The following USP19 variants were observed in gnomAD, a reference collection of about 807,000 sequenced individuals.
USP19 encodes the protein ubiquitin carboxyl-terminal hydrolase 19.
Under a neutral mutation model 144.8 loss-of-function variants are expected in USP19, and 40 were observed. The ratio of observed to expected loss-of-function variants is 0.28; its 90% CI spans 0.21 to 0.36. The LOEUF (loss-of-function observed/expected upper bound fraction) is 0.36. USP19 is among the 10% of genes least tolerant of loss of function. The probability of loss-of-function intolerance (pLI) is 1.00; values close to 1 mark genes in which losing one functional copy is unlikely to be tolerated. For missense variants in USP19, 1,518 were observed against 1,822.5 expected, an observed-to-expected ratio of 0.83 and a Z score of 3.04; for synonymous variants, 701 against 709.3, an observed-to-expected ratio of 0.99 and a Z score of 0.19.
Position 49,111,810 on chromosome 3 carries a change from G to A in USP19, c.2907C>T (p.Tyr969=). ...LAQLLEGYAR[Y]SVSVFQPPFQ... The stretch of plus-strand genomic sequence containing the variant: ...AGGGTGGCTGGAATACACTCACAGA[G>A]TACCTGGCAACAGAGAACAACGCAA... Residue 969 remains tyrosine, a synonymous_variant, in exon 21 of 27, where the codon TAC becomes TAT. Coordinates refer to ENST00000417901, the MANE Select transcript of USP19 (RefSeq NM_001199161.2). The surrounding 1 kb of genome is among the most constrained non-coding windows in gnomAD (Gnocchi z 5.9). 1.3e-6 allele frequency: 2 copies of A among 1,569,894 alleles called. No individual in the cohort carries two copies. Among genetic ancestry groups the A allele is most frequent in the Non-Finnish European group, 1.7e-6 (2 of 1,156,256 alleles).
chr3:49,110,340 G>A lies in USP19; in HGVS notation c.3882C>T (p.Ser1294=). ...SDVGWRLFDD[S]TVTTVDESQV... is the part of the protein sequence containing the mutation. ...GGCTCTCGTCTACCGTTGTCACTGT[G>A]CTGTCATCAAACAAGCGCCAGCCTA... is the stretch of plus-strand genomic sequence containing the variant. Residue 1294 remains serine (S), a synonymous_variant, in exon 26 of 27, where the codon AGC becomes AGT. Transcript: ENST00000417901. The surrounding 1 kb of genome is among the most constrained non-coding windows in gnomAD (Gnocchi z 6.1). The A allele has an allele frequency of 6.3e-7, 1 of 1,598,824 alleles. No individual in the cohort carries two copies. The highest frequency in any genetic ancestry group is 8.5e-7 in the Non-Finnish European group (1 of 1,170,706).
Position 49,114,376 on chromosome 3 carries a change from C to T in USP19, c.2293-92G>A. On this transcript the variant is annotated intron_variant, in intron 15 of 26. Transcript: ENST00000417901. The surrounding 1 kb of genome is among the most constrained non-coding windows in gnomAD (Gnocchi z 4.5). Reference sequence around the variant, plus strand: ...GAGCCCATTCCGGGGCTTCTGATGGCTCTCAGGGCCCCCACAGCCAACCAG... The same window carrying T: ...GAGCCCATTCCGGGGCTTCTGATGGTTCTCAGGGCCCCCACAGCCAACCAG... 1 of 1,254,066 alleles carries T rather than the reference C, an allele frequency of 8.0e-7. No homozygotes were observed. Among genetic ancestry groups the T allele is most frequent in the East Asian group, 2.4e-5 (1 of 42,242 alleles). 77.7% of individuals were successfully genotyped at this position (1,254,066 alleles called of 1,614,324 possible).
chr3:49,114,092 A>G lies in USP19; in HGVS notation c.2405T>C (p.Phe802Ser). The stretch of plus-strand genomic sequence containing the variant: ...GTTCTCCTTGCTGACGCTCACCAGG[A>G]ACTGTGGCAAAAAGGGCAGTCAGTG... ...AREPHSKPIK[F>S]LVSVSKENST... The change falls in exon 17 of 27, where the codon TTC becomes TCC. Residue 802 changes from phenylalanine (F) to serine (S), a missense_variant and splice_region_variant. Physicochemically the swap from Phe to Ser is radical, Grantham distance 155. Coordinates refer to ENST00000417901, the MANE Select transcript of USP19 (RefSeq NM_001199161.2). The surrounding 1 kb of genome is among the most constrained non-coding windows in gnomAD (Gnocchi z 4.5). 6.2e-7 allele frequency: 1 copy of G among 1,614,204 alleles called. No individual in the cohort carries two copies. The highest frequency in any genetic ancestry group is 8.5e-7 in the Non-Finnish European group (1 of 1,180,044).
chr3:49,118,037 C>A lies in USP19; in HGVS notation c.208G>T (p.Gly70Trp). 1 of 1,599,030 alleles carries A rather than the reference C, an allele frequency of 6.3e-7. No homozygotes were observed. Among genetic ancestry groups the A allele is most frequent in the Non-Finnish European group, 8.5e-7 (1 of 1,176,658 alleles). ...DPSASASHAA[G>W]ITGSRHRTRL... ...GTACGGTGGCGTGAGCCTGTGATCC[C>A]AGCTGCATGGGAGGCTGAGGCAGAA... The change falls in exon 3 of 27, where the codon GGG becomes TGG. Residue 70 changes from glycine to tryptophan, a missense_variant. Transcript: ENST00000417901.
intron 17 of USP19, 57 bp downstream of exon 17, chr3:49,113,935 G>A (rs34991120): frequency 2.6e-6 from 4 of 1,567,944 alleles, no homozygotes; most frequent in Admixed American, 1.7e-5. Context: ...ACACACGTCT[G>A]TGGTGAGTAC....
At position 49,115,757 on chromosome 3, in the gene USP19, A is replaced by C. The variant is rs750878548; in HGVS notation, c.1659T>G (p.His553Gln). Residue 553 changes from histidine (H) to glutamine (Q), a missense_variant, in exon 11 of 27, where the codon CAT (histidine) becomes CAG (glutamine). This residue lies in a region of USP19 where 707 missense variants were observed against 728.9 expected (regional missense o/e 0.97). Transcript: ENST00000417901. This position sits in a 1 kb window ranked among gnomAD's most constrained non-coding sequence, Gnocchi z 6.6. ...DSVATRTPME[H>Q]VTPKPETHLA... The stretch of plus-strand genomic sequence containing the variant: ...GGTGTGTCTCTGGCTTTGGGGTTAC[A>C]TGCTCCATGGGTGTGCGGGTTGCCA... The C allele has an allele frequency of 6.2e-7, 1 of 1,612,804 alleles. No individual in the cohort carries two copies. The highest frequency in any genetic ancestry group is 8.5e-7 in the Non-Finnish European group (1 of 1,179,040).
Position 49,110,409 on chromosome 3 carries a change from CT to C in USP19, c.3859+34del, listed in dbSNP as rs2042970170. On this transcript the variant is annotated intron_variant, in intron 25 of 26. Transcript: ENST00000417901. This position sits in a 1 kb window ranked among gnomAD's most constrained non-coding sequence, Gnocchi z 6.1. ...GTGAACAAAGTCTGCACCACCACCC[CT>C]ACCACCTATCCTGCTGGCTGTGTGT... 1 of 1,609,170 alleles carries C rather than the reference CT, an allele frequency of 6.2e-7. No homozygotes were observed. The highest frequency in any genetic ancestry group is 1.1e-5 in the South Asian group (1 of 90,484).
chr3:49,111,504 G>T lies in USP19; in HGVS notation c.3213C>A (p.Pro1071=). Residue 1071 remains proline, a synonymous_variant, in exon 21 of 27, where the codon CCC becomes CCA. Coordinates refer to ENST00000417901, the MANE Select transcript of USP19 (RefSeq NM_001199161.2). The surrounding 1 kb of genome is among the most constrained non-coding windows in gnomAD (Gnocchi z 5.9). ...SLPAGERVSR[P]EAAVPGYQHP... is the part of the protein sequence containing the mutation. ...GAGCCTTTCACTGGATCTTACCTTC[G>T]GGTCGGGACACCCTCTCGCCAGCTG... 6.2e-7 allele frequency: 1 copy of T among 1,611,306 alleles called. No homozygotes were observed. Among genetic ancestry groups the T allele is most frequent in the East Asian group, 2.2e-5 (1 of 44,884 alleles).
rs1250447913 is a variant in USP19 at position 49,115,303 on chromosome 3, C to T, written c.1947G>A (p.Leu649=). 1.2e-6 allele frequency: 2 copies of T among 1,614,046 alleles called. No individual in the cohort carries two copies. The highest frequency in any genetic ancestry group is 1.3e-5 in the African/African-American group (1 of 74,930). ...YNNPLGTGGR[L]AIGFAVLLRA... ...GAAGCAGCACGGCAAAGCCAATGGC[C>T]AGACGCCCACCAGTCCCTAGTGGGT... The change falls in exon 13 of 27, where the codon CTG becomes CTA. Residue 649 remains leucine (L), a synonymous_variant. Transcript: ENST00000417901. This position sits in a 1 kb window ranked among gnomAD's most constrained non-coding sequence, Gnocchi z 6.6.
In USP19 at chr3:49,108,346, G is replaced by C; in HGVS notation, c.*66C>G. On this transcript the variant is annotated 3_prime_UTR_variant, in exon 27 of 27. Coordinates refer to ENST00000417901, the MANE Select transcript of USP19 (RefSeq NM_001199161.2). This position sits in a 1 kb window ranked among gnomAD's most constrained non-coding sequence, Gnocchi z 4.8. Reference sequence around the variant, plus strand: ...TGTCCTCTGGGTTAGAGAAGGAGAAGCGGCAAGGAGCTGGCCCTCTGTGTG... The same window carrying C: ...TGTCCTCTGGGTTAGAGAAGGAGAACCGGCAAGGAGCTGGCCCTCTGTGTG... The C allele has an allele frequency of 1.9e-6, 1 of 532,666 alleles. No homozygotes were observed. The highest frequency in any genetic ancestry group is 3.1e-6 in the Non-Finnish European group (1 of 319,374). 33.0% of individuals were successfully genotyped at this position (532,666 alleles called of 1,614,324 possible). A position where few individuals can be genotyped will look rare whatever the true frequency, so the allele number is the denominator to read the frequency against.
At position 49,116,097 on chromosome 3, in the gene USP19, C is replaced by G; in HGVS notation, c.1421G>C (p.Arg474Pro). 1.2e-6 allele frequency: 2 copies of G among 1,612,934 alleles called. No homozygotes were observed. Among genetic ancestry groups the G allele is most frequent in the Non-Finnish European group, 1.7e-6 (2 of 1,179,742 alleles). The stretch of plus-strand genomic sequence containing the variant: ...CCCCCAGCGCTGACTCTGCCTCTTA[C>G]GAAGGCAGATGTCGATGCGAGAAGC... ...FTASRIDICL[R>P]KRQSQRWGGL... Residue 474 changes from arginine (R) to proline (P), a missense_variant, in exon 10 of 27, where the codon CGT becomes CCT. This residue lies in a region of USP19 where 707 missense variants were observed against 728.9 expected (regional missense o/e 0.97). Coordinates refer to ENST00000417901, the MANE Select transcript of USP19 (RefSeq NM_001199161.2). The surrounding 1 kb of genome is among the most constrained non-coding windows in gnomAD (Gnocchi z 5.0).
chr3:49,109,073 G>T, intron 26 of USP19: 1 of 1,607,444 alleles, frequency 6.2e-7, no homozygotes. Context: ...TGGTGTGGTA[G>T]GGCCACGTGG....
At position 49,117,355 on chromosome 3, in the gene USP19, G is replaced by A. The variant is rs570626000; in HGVS notation, c.613C>T (p.Pro205Ser). Residue 205 changes from proline to serine, a missense_variant, in exon 6 of 27, where the codon CCT (proline) becomes TCT (serine). Around this residue, in one of 5 missense-constraint regions of USP19, gnomAD observed 707 missense variants for 728.9 expected, o/e 0.97. Transcript: ENST00000417901. The surrounding 1 kb of genome is among the most constrained non-coding windows in gnomAD (Gnocchi z 4.4). ...GGCACCAGCTCCTGGGTCCCTAGAG[G>A]TTTCTTCTGCCAAAGATACAGCAGT... is the stretch of plus-strand genomic sequence containing the variant. ...MLTWPSLLKK[P>S]LGTQELVPGL... 1.3e-6 allele frequency: 2 copies of A among 1,596,178 alleles called. No individual in the cohort carries two copies. Among genetic ancestry groups the A allele is most frequent in the South Asian group, 1.1e-5 (1 of 90,116 alleles).
chr3:49,116,709 G>C lies in USP19; in HGVS notation c.1126+18C>G. The C allele has an allele frequency of 6.2e-7, 1 of 1,607,036 alleles. No homozygotes were observed. Among genetic ancestry groups the C allele is most frequent in the Non-Finnish European group, 8.5e-7 (1 of 1,175,750 alleles). ...TGCAACCCAACCTAGGGCTCTGCCT[G>C]CCCACCCCCACCTTTACCATCCACC... On this transcript the variant is annotated intron_variant, in intron 7 of 26. Coordinates refer to ENST00000417901, the MANE Select transcript of USP19 (RefSeq NM_001199161.2). This position sits in a 1 kb window ranked among gnomAD's most constrained non-coding sequence, Gnocchi z 5.0.
chr3:49,118,517 C>T (rs1435096773), intron 2 of USP19, among the ~76,000 whole-genome samples: 2 of 150,150 alleles, frequency 1.3e-5, no homozygotes, highest in Admixed American at 6.6e-5. Context: ...ACCCGGGAGG[C>T]AGAGCCCGCA....
chr3:49,118,801 G>C (rs970705978), intron 2 of USP19, among the ~76,000 whole-genome samples: 5 of 152,034 alleles, frequency 3.3e-5, no homozygotes, highest in African/African-American at 1.2e-4. Context: ...GTTTAAAAAG[G>C]AAAGAAGGCA....
At position 49,108,987 on chromosome 3, in the gene USP19, G is replaced by A. The variant is rs1276292276; in HGVS notation, c.4039-459C>T. 6.2e-7 allele frequency: 1 copy of A among 1,613,334 alleles called. No homozygotes were observed. ...CTCCAGCGACTCTGGGATACCAGAG[G>A]ATAGAACACGTTGAGCACGAGGGCC... On this transcript the variant is annotated intron_variant, in intron 26 of 26. Transcript: ENST00000417901. The surrounding 1 kb of genome is among the most constrained non-coding windows in gnomAD (Gnocchi z 4.8).
Position 49,110,042 on chromosome 3 carries a change from G to C in USP19, c.4038+142C>G. 1 of 1,004,472 alleles carries C rather than the reference G, an allele frequency of 1.0e-6. No individual in the cohort carries two copies. Among genetic ancestry groups the C allele is most frequent in the Non-Finnish European group, 1.4e-6 (1 of 736,690 alleles). 62.2% of individuals were successfully genotyped at this position (1,004,472 alleles called of 1,614,324 possible). A position where few individuals can be genotyped will look rare whatever the true frequency, so the allele number is the denominator to read the frequency against. On this transcript the variant is annotated intron_variant, in intron 26 of 26. Coordinates refer to ENST00000417901, the MANE Select transcript of USP19 (RefSeq NM_001199161.2). The surrounding 1 kb of genome is among the most constrained non-coding windows in gnomAD (Gnocchi z 6.1). The stretch of plus-strand genomic sequence containing the variant: ...TGGGGATGCCTCTGGCTAAAGCTTT[G>C]ATGTTAAGAGAACTCTGCAATTCTC...
In USP19 at chr3:49,117,791, G is replaced by A. The variant is rs1426749557; in HGVS notation, c.338C>T (p.Thr113Ile). Residue 113 changes from threonine (T) to isoleucine (I), a missense_variant, in exon 4 of 27, where the codon ACT (threonine) becomes ATT (isoleucine). This residue lies in a region of USP19 where 707 missense variants were observed against 728.9 expected (regional missense o/e 0.97). Coordinates refer to ENST00000417901, the MANE Select transcript of USP19 (RefSeq NM_001199161.2). This position sits in a 1 kb window ranked among gnomAD's most constrained non-coding sequence, Gnocchi z 4.4. ...CCTCCAATCGAGCAACAACTCTGGA[G>A]TGGGAGTAGCCAAGAGATCATGAGG... ...EDPHDLLATP[T>I]PELLLDWRQS... The A allele has an allele frequency of 6.2e-7, 1 of 1,614,198 alleles. No homozygotes were observed. Among genetic ancestry groups the A allele is most frequent in the Non-Finnish European group, 8.5e-7 (1 of 1,180,036 alleles).
Sources: gnomAD v4.1 joint callset for allele counts (sites outside exome capture counted in the v4.1 genomes callset) on GRCh38, gnomAD v4.1.1 for gene constraint, gnomAD v4.1.1 regional missense constraint, Gnocchi (gnomAD v3.1) non-coding constraint, MANE v1.5 for transcripts, NCBI Gene and HGNC (gene_info 2026-07-23, HGNC 2026-07-21) for gene names.